Variants in KLHL1 observed in about 807,000 individuals in gnomAD.
KLHL1 encodes kelch-like protein 1.
Under a neutral mutation model 77.7 loss-of-function variants are expected in KLHL1, and 47 were observed. The ratio of observed to expected loss-of-function variants is 0.60; its 90% CI spans 0.48 to 0.77. KLHL1 has a LOEUF of 0.77. KLHL1 is among the 30% of genes least tolerant of loss of function. The pLI is 0.00. For synonymous variants in KLHL1, 360 were observed against 325.2 expected (o/e 1.11, Z -1.15); for missense variants, 925 against 910.8 (o/e 1.02, Z -0.20).
At chr13:70,010,037 A>AC (rs1457151207) in intron 1 of KLHL1, among the ~76,000 whole-genome samples, 4 of 152,194 alleles carry the variant, frequency 2.6e-5, no homozygotes, top group African/African-American at 9.6e-5. Flanking sequence ...AGGAGAAAAA[A>AC]AAAAGCAAGG....
At chr13:70,097,721 T>C (rs1408257690) in intron 1 of KLHL1, among the ~76,000 whole-genome samples, 1 of 151,934 alleles carries the variant, frequency 6.6e-6, no homozygotes, top group Non-Finnish European at 1.5e-5. Flanking sequence ...TTGCAAACTA[T>C]AAGGCAAGGT....
chr13:69,751,984 AC>A (rs1874507777), intron 7 of KLHL1, among the ~76,000 whole-genome samples: 1 of 152,080 alleles, frequency 6.6e-6, no homozygotes, highest in Non-Finnish European at 1.5e-5. Flanking sequence ...CAAAATTACA[AC>A]CTGGCAATGT....
chr13:69,754,729 T>A (rs1874634001), intron 7 of KLHL1, among the ~76,000 whole-genome samples: 1 of 152,192 alleles, frequency 6.6e-6, no homozygotes, highest in Non-Finnish European at 1.5e-5. Context: ...TTCTCTCTGT[T>A]GCACAATGGC....
chr13:69,823,533 C>T (rs189271719), intron 6 of KLHL1, among the ~76,000 whole-genome samples: 2,894 of 151,948 alleles, frequency 0.019, 59 homozygotes, highest in African/African-American at 0.05. Flanking sequence ...GATGTATATA[C>T]ACACACATAT....
At chr13:70,086,447 G>C (rs529741411) in intron 1 of KLHL1, among the ~76,000 whole-genome samples, 30 of 151,386 alleles carry the variant, frequency 2.0e-4, no homozygotes, top group African/African-American at 6.8e-4. Context: ...GCCTGGCGGT[G>C]GTGGGCACCT....
chr13:70,058,124 G>A (rs1886794232), intron 1 of KLHL1, among the ~76,000 whole-genome samples: 1 of 152,102 alleles, frequency 6.6e-6, no homozygotes, highest in African/African-American at 2.4e-5. Context: ...AGTCCCACAG[G>A]TAGTATCATA....
At chr13:69,878,546 T>G (rs768492476) in intron 5 of KLHL1, among the ~76,000 whole-genome samples, 16 of 152,140 alleles carry the variant, frequency 1.1e-4, no homozygotes, top group Non-Finnish European at 2.1e-4. Flanking sequence ...CTCCTTTAAA[T>G]ATTGCTAGTA....
At chr13:69,935,203 T>TTCACCCAC (rs1347040788) in intron 4 of KLHL1, among the ~76,000 whole-genome samples, 3 of 46,010 alleles carry the variant, frequency 6.5e-5, no homozygotes, top group Non-Finnish European at 9.9e-5. Context: ...TGGTACATAG[T>TTCACCCAC]TGGTACTGGT....
At position 69,751,009 on chromosome 13, in the gene KLHL1, C is replaced by T. The variant is rs182121407; in HGVS notation, c.1640-10453G>A. Among the ~76,000 whole-genome samples the T allele has an allele frequency of 3.7e-3, 560 of 152,066 alleles. 2 individuals are homozygous for T. Among genetic ancestry groups the T allele is most frequent in the Middle Eastern group, 0.034 (10 of 294 alleles). On this transcript the variant is annotated intron_variant, in intron 7 of 10. Transcript: ENST00000377844. ...CATTCACAATTGACAATAACTGCCA[C>T]AGTGAAACATGACAATAGTACTAGT...
intron 4 of KLHL1, among the ~76,000 whole-genome samples, chr13:69,919,026 G>T (rs1486857018): frequency 6.6e-6 from 1 of 152,094 alleles, no homozygotes; most frequent in East Asian, 1.9e-4. Context: ...GTGATTTTGT[G>T]TCCTGGTTGT....
At chr13:69,703,149 G>C (rs1875473189) in intron 10 of KLHL1, among the ~76,000 whole-genome samples, 1 of 151,586 alleles carries the variant, frequency 6.6e-6, no homozygotes, top group Admixed American at 6.6e-5. Flanking sequence ...TTGAGGTTCA[G>C]GTCATGGATG....
intron 3 of KLHL1, among the ~76,000 whole-genome samples, chr13:69,945,807 C>T (rs1883506963): frequency 6.6e-6 from 1 of 152,076 alleles, no homozygotes; most frequent in Non-Finnish European, 1.5e-5. Flanking sequence ...ATGATTCAGC[C>T]ATTCTGCTCC....
chr13:70,099,715 A>T (rs1400813378), intron 1 of KLHL1, among the ~76,000 whole-genome samples: 1 of 152,100 alleles, frequency 6.6e-6, no homozygotes, highest in Non-Finnish European at 1.5e-5. Context: ...ACATTTTTTC[A>T]TTTAATCGTA....
chr13:69,973,530 A>C (rs1446999461), intron 2 of KLHL1, among the ~76,000 whole-genome samples: 5 of 151,676 alleles, frequency 3.3e-5, no homozygotes, highest in Non-Finnish European at 7.4e-5. Flanking sequence ...CACCACATAC[A>C]TTTTGCTTAA....
intron 7 of KLHL1, among the ~76,000 whole-genome samples, chr13:69,758,781 T>C (rs536788745): frequency 1.3e-5 from 2 of 152,230 alleles, no homozygotes; most frequent in East Asian, 3.9e-4. Context: ...AGCTTTTCCA[T>C]AGCATATAAA....
rs148491170 is a variant in KLHL1, at chr13:70,075,681, A to G, written c.497+31522T>C. Among the ~76,000 whole-genome samples, 74 of 141,482 alleles carry G rather than the reference A, an allele frequency of 5.2e-4. No individual in the cohort carries two copies. The East Asian group carries it at 0.012, about 24-fold the overall frequency. The allele number at this position is 141,482 out of a possible 152,430, so 92.8% of individuals were successfully genotyped here. ...TACCTATGTGTGTGTGTATATATATATACACACACGTGTGTATATATGAAA... is the reference window on the plus strand; with the variant it reads ...TACCTATGTGTGTGTGTATATATATGTACACACACGTGTGTATATATGAAA... On this transcript the variant is annotated intron_variant, in intron 1 of 10. Coordinates refer to ENST00000377844, the MANE Select transcript of KLHL1 (RefSeq NM_020866.3).
intron 6 of KLHL1, among the ~76,000 whole-genome samples, chr13:69,797,542 C>T (rs964123782): frequency 5.9e-5 from 9 of 151,764 alleles, no homozygotes; most frequent in Non-Finnish European, 1.0e-4. Flanking sequence ...TTAGGCCAGG[C>T]GCAATGGCTC....
At chr13:69,733,903 A>G (rs994733575) in intron 8 of KLHL1, among the ~76,000 whole-genome samples, 3 of 152,204 alleles carry the variant, frequency 2.0e-5, no homozygotes, top group African/African-American at 7.2e-5. Context: ...AATATTCATA[A>G]CTGCATTATT....
chr13:69,708,959 T>A (rs918332155), intron 9 of KLHL1, among the ~76,000 whole-genome samples: 3 of 152,078 alleles, frequency 2.0e-5, no homozygotes, highest in Non-Finnish European at 2.9e-5. Flanking sequence ...ACCTATACTT[T>A]GCTGAAAATA....
Sources: gnomAD v4.1 joint callset for allele counts (sites outside exome capture counted in the v4.1 genomes callset) on GRCh38, gnomAD v4.1.1 for gene constraint, MANE v1.5 for transcripts, NCBI Gene and HGNC (gene_info 2026-07-23, HGNC 2026-07-21) for gene names.